The following OBI1 variants were observed in gnomAD, a reference collection of about 807,000 sequenced individuals.
The protein encoded by OBI1 is ring finger protein 219.
OBI1 carries 59 observed loss-of-function variants against 62.4 expected under a neutral mutation model. The ratio of observed to expected loss-of-function variants is 0.95; its 90% CI spans 0.77 to 1.17. OBI1 has a LOEUF of 1.17. OBI1 is among the 50% of genes most tolerant of loss of function. The pLI is 0.00. For synonymous variants in OBI1, 302 were observed against 292.8 expected (o/e 1.03, Z -0.32); for missense variants, 875 against 830.9 (o/e 1.05, Z -0.65).
chr13:78,658,092 T>A (rs1363132766), intron 1 of OBI1, among the ~76,000 whole-genome samples: 2 of 152,230 alleles, frequency 1.3e-5, no homozygotes, highest in Non-Finnish European at 2.9e-5. Context: ...GCAGATCGTA[T>A]TGGCCGGCAC....
At chr13:78,650,176 G>C (rs1253284823) in intron 1 of OBI1, among the ~76,000 whole-genome samples, 2 of 152,202 alleles carry the variant, frequency 1.3e-5, no homozygotes. Flanking sequence ...GGTTTACCCA[G>C]AGTTGGGGTT....
At chr13:78,649,262 A>G (rs1876474847) in intron 1 of OBI1, among the ~76,000 whole-genome samples, 1 of 152,232 alleles carries the variant, frequency 6.6e-6, no homozygotes, top group Admixed American at 6.5e-5. Context: ...CAGCAAGCAA[A>G]GGAAGAGGAA....
At chr13:78,620,465 A>G (rs948797219) in intron 5 of OBI1, 1 of 320,910 alleles carries the variant, frequency 3.1e-6, no homozygotes, top group Non-Finnish European at 6.1e-6. Flanking sequence ...TCAAAGTAGC[A>G]GTGATGGCCA....
At chr13:78,643,581 G>C (rs903916729) in intron 2 of OBI1, among the ~76,000 whole-genome samples, 2 of 152,178 alleles carry the variant, frequency 1.3e-5, no homozygotes, top group Non-Finnish European at 2.9e-5. Context: ...CTGAGGTCGG[G>C]AGTTCGAGAC....
In OBI1 at chr13:78,615,618, G is replaced by A; in HGVS notation, c.2143C>T (p.Leu715Phe). Residue 715 changes from leucine to phenylalanine, a missense_variant, in exon 6 of 6, where the codon CTT (leucine) becomes TTT (phenylalanine). Transcript: ENST00000282003. ...QSTKRKIQSS[L>F]SSASPSKATK... is the part of the protein sequence containing the mutation. ...GCTTTTGATGGGCTGGCACTGGAAA[G>A]GCTGCTCTGGATTTTTCTTTTTGTT... 6.2e-7 allele frequency: 1 copy of A among 1,612,942 alleles called. No homozygotes were observed. The highest frequency in any genetic ancestry group is 8.5e-7 in the Non-Finnish European group (1 of 1,179,512).
chr13:78,647,737 G>A (rs1299269566), intron 1 of OBI1, among the ~76,000 whole-genome samples: 3 of 151,998 alleles, frequency 2.0e-5, no homozygotes, highest in Admixed American at 1.3e-4. Context: ...TCAGTCTCTC[G>A]TCCTACCTGA....
chr13:78,622,558 A>C (rs1875546046), intron 5 of OBI1, among the ~76,000 whole-genome samples: 1 of 152,040 alleles, frequency 6.6e-6, no homozygotes, highest in African/African-American at 2.4e-5. Context: ...TCATTTCCTA[A>C]ATTTCAGAAA....
Position 78,642,153 on chromosome 13 carries a change from G to A in OBI1, c.269C>T (p.Thr90Ile). The change falls in exon 3 of 6, where the codon ACT becomes ATT. Residue 90 changes from threonine to isoleucine, a missense_variant. Physicochemically the swap from Thr to Ile is moderately conservative, Grantham distance 89. Coordinates refer to ENST00000282003, the MANE Select transcript of OBI1 (RefSeq NM_024546.4). Reference protein sequence around the residue: ...SHTVRKHLRKTRLELLHKEYE... With the variant: ...SHTVRKHLRKIRLELLHKEYE... ...TTCTTTGTGTAGTAATTCAAGTCTA[G>A]TTTTCCGAAGATGCTTCCTGACCGT... 1 of 1,607,976 alleles carries A rather than the reference G, an allele frequency of 6.2e-7. No homozygotes were observed. Among genetic ancestry groups the A allele is most frequent in the Non-Finnish European group, 8.5e-7 (1 of 1,175,344 alleles).
chr13:78,658,289 G>A (rs942898705), intron 1 of OBI1, among the ~76,000 whole-genome samples: 1 of 152,138 alleles, frequency 6.6e-6, no homozygotes, highest in Non-Finnish European at 1.5e-5. Flanking sequence ...AACACCGAAA[G>A]TGAGGCACAA....
chr13:78,626,778 A>C (rs762739795), intron 5 of OBI1, among the ~76,000 whole-genome samples: 20 of 152,172 alleles, frequency 1.3e-4, no homozygotes, highest in Non-Finnish European at 2.2e-4. Context: ...CTAGACCAAG[A>C]ATATTGGGGC....
chr13:78,616,395 ATTTCT>A lies in OBI1; in HGVS notation c.1361_1365del (p.Lys454IlefsTer26), dbSNP rs757892926. The A allele has an allele frequency of 6.2e-7, 1 of 1,612,880 alleles. No individual in the cohort carries two copies. Among genetic ancestry groups the A allele is most frequent in the Non-Finnish European group, 8.5e-7 (1 of 1,179,418 alleles). ...GTCTTTGGGGAAGAAAAACATTCTG[ATTTCT>A]TTTCATTTTCACTTCTACTTATATC... On this transcript the variant is annotated frameshift_variant, in exon 6 of 6. Transcript: ENST00000282003. LOFTEE classifies it high-confidence loss of function.
At chr13:78,625,318 C>A (rs1018424743) in intron 5 of OBI1, among the ~76,000 whole-genome samples, 17 of 152,134 alleles carry the variant, frequency 1.1e-4, no homozygotes, top group East Asian at 5.8e-4. Context: ...ACTTAAAAAT[C>A]TCTGGATTAG....
chr13:78,640,241 G>A (rs1017826263), intron 3 of OBI1, among the ~76,000 whole-genome samples: 1 of 151,704 alleles, frequency 6.6e-6, no homozygotes, highest in Admixed American at 6.6e-5. Flanking sequence ...ACATCTACAG[G>A]GGATTGGTTC....
At chr13:78,658,998 G>A (rs750287159) in intron 1 of OBI1, 51 bp downstream of exon 1, 5 of 1,541,434 alleles carry the variant, frequency 3.2e-6, no homozygotes, top group Admixed American at 1.7e-5. Flanking sequence ...CGGCCCCGGC[G>A]AGCGACTTAT....
rs765730570 is a variant in OBI1, at chr13:78,644,997, C to T, written c.73G>A (p.Val25Ile). 2 of 1,605,942 alleles carry T rather than the reference C, an allele frequency of 1.2e-6. No homozygotes were observed. Among genetic ancestry groups the T allele is most frequent in the Non-Finnish European group, 8.5e-7 (1 of 1,177,458 alleles). The change falls in exon 2 of 6, where the codon GTA (valine) becomes ATA (isoleucine). Residue 25 changes from valine (V) to isoleucine (I), a missense_variant and splice_region_variant. Val to Ile is a conservative substitution (Grantham distance 29, BLOSUM62 3). Coordinates refer to ENST00000282003, the MANE Select transcript of OBI1 (RefSeq NM_024546.4). ...TTGATGCATATGACAGGCTGACGTA[C>T]CTTTGAAAAAAGAAATCACTTTTAG... Reference protein sequence around the residue: ...PITCHICLGKVRQPVICINNH... With the variant: ...PITCHICLGKIRQPVICINNH...
intron 1 of OBI1, among the ~76,000 whole-genome samples, chr13:78,655,699 T>C (rs1876680187): frequency 6.6e-6 from 1 of 152,170 alleles, no homozygotes; most frequent in African/African-American, 2.4e-5. Context: ...CTTAATTCTG[T>C]TGAATAATCA....
intron 4 of OBI1, among the ~76,000 whole-genome samples, chr13:78,638,298 AT>A (rs1876088445): frequency 6.6e-6 from 1 of 152,194 alleles, no homozygotes; most frequent in South Asian, 2.1e-4. Flanking sequence ...AAATCACAAC[AT>A]TCTTTTGCAT....
At chr13:78,631,381 T>C (rs1875844823) in intron 5 of OBI1, among the ~76,000 whole-genome samples, 1 of 152,136 alleles carries the variant, frequency 6.6e-6, no homozygotes, top group Non-Finnish European at 1.5e-5. Context: ...CCCAACCTTC[T>C]TTAGGGGTCA....
At chr13:78,654,029 G>GAAAAA (rs11421042) in intron 1 of OBI1, among the ~76,000 whole-genome samples, 1 of 133,562 alleles carries the variant, frequency 7.5e-6, no homozygotes, top group Non-Finnish European at 1.6e-5. Context: ...ATAACTTAAG[G>GAAAAA]AAAAAAAAAA....
Sources: allele counts gnomAD v4.1 joint callset (sites outside exome capture counted in the v4.1 genomes callset), GRCh38; gene constraint gnomAD v4.1.1; transcripts MANE v1.5; gene names NCBI Gene and HGNC (gene_info 2026-07-23, HGNC 2026-07-21).